ITCH: variants seen among roughly 807,000 people sequenced by gnomAD.
ITCH encodes the protein itchy E3 ubiquitin protein ligase, also known as E3 ubiquitin-protein ligase Itchy homolog.
In ITCH, 28 loss-of-function variants were observed where a neutral mutation model predicts 126.8. That is an observed-to-expected ratio of 0.22 (90% confidence interval 0.16 to 0.30). The LOEUF (loss-of-function observed/expected upper bound fraction) is 0.30. ITCH is among the 10% of genes least tolerant of loss of function. The probability of loss-of-function intolerance (pLI) is 1.00; values close to 1 mark genes in which losing one functional copy is unlikely to be tolerated. For synonymous variants in ITCH, 342 were observed against 340.0 expected (o/e 1.01, Z -0.06); for missense variants, 631 against 1,032.4 (o/e 0.61, Z 5.33).
rs1256950358 is a variant in ITCH, at chr20:34,449,476, A to T, written c.1206A>T (p.Gly402=). The T allele has an allele frequency of 1.3e-6, 2 of 1,597,866 alleles. No individual in the cohort carries two copies. Among genetic ancestry groups the T allele is most frequent in the Admixed American group, 3.3e-5 (2 of 59,974 alleles). The change falls in exon 12 of 25, where the codon GGA becomes GGT. Residue 402 remains glycine, a synonymous_variant. Transcript: ENST00000374864. ...ATCCTCTTGGTCCATTGCCACCTGG[A>T]TGGGGTAAGTCACATGAGTTTCTTC... The part of the protein sequence containing the change: ...EFDPLGPLPP[G]WEKRTDSNGR...
chr20:34,477,213 A>G (rs891896342), intron 16 of ITCH, among the ~76,000 whole-genome samples: 4 of 152,346 alleles, frequency 2.6e-5, no homozygotes, highest in South Asian at 2.1e-4. Context: ...AGGCAACATT[A>G]TAAGTCAATA....
At chr20:34,367,088 T>C (rs1344553192) in intron 1 of ITCH, among the ~76,000 whole-genome samples, 1 of 152,196 alleles carries the variant, frequency 6.6e-6, no homozygotes, top group African/African-American at 2.4e-5. Context: ...ATATATGTTA[T>C]GTATAGTATG....
chr20:34,478,552 C>A (rs1380080042), intron 17 of ITCH, among the ~76,000 whole-genome samples: 1 of 152,076 alleles, frequency 6.6e-6, no homozygotes, highest in Non-Finnish European at 1.5e-5. Context: ...GGATTTGAAT[C>A]TTTTTCTGCT....
At chr20:34,439,132 T>C (rs1983412118) in intron 8 of ITCH, among the ~76,000 whole-genome samples, 1 of 152,204 alleles carries the variant, frequency 6.6e-6, no homozygotes, top group African/African-American at 2.4e-5. Context: ...AGAACAAATC[T>C]TTAATCTTAC....
At chr20:34,477,302 C>T (rs1466911036) in intron 16 of ITCH, among the ~76,000 whole-genome samples, 1 of 152,050 alleles carries the variant, frequency 6.6e-6, no homozygotes, top group Non-Finnish European at 1.5e-5. Flanking sequence ...AGGCCAAGGC[C>T]GGTGGATCAC....
intron 7 of ITCH, among the ~76,000 whole-genome samples, chr20:34,433,294 A>AC (rs1982572594): frequency 6.6e-6 from 1 of 152,264 alleles, no homozygotes; most frequent in South Asian, 2.1e-4. Flanking sequence ...TCGTCTCAAA[A>AC]AAACAAACAA....
intron 14 of ITCH, among the ~76,000 whole-genome samples, chr20:34,462,751 G>GTA (rs1174776895): frequency 6.6e-6 from 1 of 152,142 alleles, no homozygotes; most frequent in Non-Finnish European, 1.5e-5. Context: ...CTGAAACACT[G>GTA]TACCCTTTAA....
At chr20:34,437,480 A>G (rs1160102562) in intron 7 of ITCH, among the ~76,000 whole-genome samples, 2 of 151,940 alleles carry the variant, frequency 1.3e-5, no homozygotes, top group Admixed American at 1.3e-4. Context: ...TACTTTTTAA[A>G]TTTTTTTGTA....
intron 7 of ITCH, among the ~76,000 whole-genome samples, chr20:34,426,168 T>C (rs1421601816): frequency 6.6e-6 from 1 of 152,242 alleles, no homozygotes; most frequent in Non-Finnish European, 1.5e-5. Context: ...TTTGATTCTT[T>C]GTTTTTCTCA....
chr20:34,430,706 T>C (rs1022585273), intron 7 of ITCH, among the ~76,000 whole-genome samples: 7 of 152,184 alleles, frequency 4.6e-5, no homozygotes, highest in African/African-American at 1.7e-4. Flanking sequence ...ACTCCTGACC[T>C]CAGGTGATCT....
rs750732853 is a variant in ITCH at position 34,412,499 on chromosome 20, C to CT, written c.213-10dup. 19 of 1,562,186 alleles carry CT rather than the reference C, an allele frequency of 1.2e-5. No homozygotes were observed. The highest frequency in any genetic ancestry group is 1.6e-5 in the Non-Finnish European group (18 of 1,133,844). ...TCAATAAAAATAATATTTTTTCCCTCTTTTTTCACTTTTAGTATCGTTACC... is the reference window on the plus strand; with the variant it reads ...TCAATAAAAATAATATTTTTTCCCTCTTTTTTTCACTTTTAGTATCGTTACC... On this transcript the variant is annotated splice_polypyrimidine_tract_variant and intron_variant, in intron 4 of 24. Transcript: ENST00000374864.
Position 34,405,103 on chromosome 20 carries a change from C to G in ITCH, c.71-3548C>G, listed in dbSNP as rs1309214011. ...GTTGCAGTGACCTGAGATTGTGCCA[C>G]TATTCTCCAGCCTGGGTGACAGAAC... On this transcript the variant is annotated intron_variant, in intron 3 of 24. Transcript: ENST00000374864. 9.2e-5 allele frequency among the ~76,000 whole-genome samples: 12 copies of G among 130,926 alleles called. No homozygotes were observed. In the Admixed American group the frequency reaches 1.0e-3, roughly 11 times the overall value. 85.9% of individuals were successfully genotyped at this position (130,926 alleles called of 152,430 possible).
chr20:34,429,764 T>C (rs902553897), intron 7 of ITCH, among the ~76,000 whole-genome samples: 4 of 152,126 alleles, frequency 2.6e-5, no homozygotes, highest in Non-Finnish European at 5.9e-5. Flanking sequence ...AACTGTTGTT[T>C]TTATGTTTAT....
chr20:34,369,105 G>A (rs996079449), intron 1 of ITCH, among the ~76,000 whole-genome samples: 34 of 152,104 alleles, frequency 2.2e-4, no homozygotes, highest in African/African-American at 7.5e-4. Context: ...TGAGGTGGGT[G>A]GATCACGAGG....
At chr20:34,394,473 A>G (rs1280176527) in intron 3 of ITCH, among the ~76,000 whole-genome samples, 1 of 151,904 alleles carries the variant, frequency 6.6e-6, no homozygotes, top group Non-Finnish European at 1.5e-5. Flanking sequence ...CCATTTATTT[A>G]TTTACTTATA....
At chr20:34,375,695 A>ATTTTTT (rs2037812327) in intron 2 of ITCH, among the ~76,000 whole-genome samples, 1 of 135,084 alleles carries the variant, frequency 7.4e-6, no homozygotes, top group African/African-American at 2.9e-5. Context: ...TGGTAGTTAA[A>ATTTTTT]ATTTTTTTTT....
At chr20:34,452,742 A>G (rs572701253) in intron 12 of ITCH, among the ~76,000 whole-genome samples, 1 of 152,246 alleles carries the variant, frequency 6.6e-6, no homozygotes, top group East Asian at 1.9e-4. Context: ...TCTCCAGCAT[A>G]GTAATTGCAC....
Position 34,481,196 on chromosome 20 carries a change from G to C in ITCH, c.2083G>C (p.Glu695Gln). 1 of 1,613,414 alleles carries C rather than the reference G, an allele frequency of 6.2e-7. No individual in the cohort carries two copies. Among genetic ancestry groups the C allele is most frequent in the Non-Finnish European group, 8.5e-7 (1 of 1,179,638 alleles). The change falls in exon 20 of 25, where the codon GAA (glutamate) becomes CAA (glutamine). Residue 695 changes from glutamate (E) to glutamine (Q), a missense_variant. By Grantham distance (29) the Glu-to-Gln change is conservative. Coordinates refer to ENST00000374864, the MANE Select transcript of ITCH (RefSeq NM_031483.7). ...NILVTEENKEEYIRMVAEWRL... is the reference protein window; with the variant it reads ...NILVTEENKEQYIRMVAEWRL... ...TCTTGTAACAGAAGAAAATAAAGAG[G>C]AATACATCAGGTGAGAGTGCTCCTT... is the stretch of plus-strand genomic sequence containing the variant.
intron 24 of ITCH, among the ~76,000 whole-genome samples, chr20:34,505,450 C>T (rs74661523): frequency 0.011 from 1,666 of 152,242 alleles, 24 homozygotes; most frequent in African/African-American, 0.029. Flanking sequence ...AGCAGTCACT[C>T]CCTTTTTACC....
Sources: allele counts gnomAD v4.1 joint callset (sites outside exome capture counted in the v4.1 genomes callset), GRCh38; gene constraint gnomAD v4.1.1; transcripts MANE v1.5; gene names NCBI Gene and HGNC (gene_info 2026-07-23, HGNC 2026-07-21).